ZRANB3: variants seen among roughly 807,000 people sequenced by gnomAD.
ZRANB3 encodes zinc finger RANBP2-type containing 3, also known as DNA annealing helicase and endonuclease ZRANB3.
ZRANB3 carries 125 observed loss-of-function variants against 133.8 expected under a neutral mutation model. The observed-to-expected ratio is 0.93, with a 90% CI of 0.81 to 1.08. The LOEUF is 1.08. Ranked by LOEUF, ZRANB3 falls within the 50% of genes least tolerant of loss-of-function variation. The pLI is 0.00. For missense variants in ZRANB3, 1,229 were observed against 1,275.5 expected, an observed-to-expected ratio of 0.96 and a Z score of 0.56; for synonymous variants, 387 against 432.7, an observed-to-expected ratio of 0.89 and a Z score of 1.31.
intron 3 of ZRANB3, among the ~76,000 whole-genome samples, chr2:135,376,776 A>C (rs1686448864): frequency 6.6e-6 from 1 of 152,248 alleles, no homozygotes. Flanking sequence ...CAAGACATTA[A>C]GCATTTGTGA....
intron 10 of ZRANB3, among the ~76,000 whole-genome samples, chr2:135,270,364 C>CA (rs1330064407): frequency 6.6e-6 from 1 of 152,168 alleles, no homozygotes; most frequent in Non-Finnish European, 1.5e-5. Context: ...GTACCAAGAA[C>CA]AAAGACCTTT....
intron 1 of ZRANB3, among the ~76,000 whole-genome samples, chr2:135,526,157 A>ATTTTTTTTTTTTTTTTTTTT (rs993714638): frequency 9.3e-6 from 1 of 108,080 alleles, no homozygotes; most frequent in African/African-American, 3.8e-5. Context: ...CTAAGCTATG[A>ATTTTTTTTTTTTTTTTTTTT]TTTTTTTTTT....
chr2:135,313,369 A>AG, intron 8 of ZRANB3, 120 bp downstream of exon 8: 1 of 638,710 alleles, frequency 1.6e-6, no homozygotes, highest in Non-Finnish European at 2.5e-6. Context: ...AAAAAAAAAA[A>AG]AGAGTTAAAC....
At chr2:135,455,171 C>CTTTTTTTTTTTTTTTTT (rs1166170814) in intron 2 of ZRANB3, among the ~76,000 whole-genome samples, 3 of 37,560 alleles carry the variant, frequency 8.0e-5, no homozygotes, top group Non-Finnish European at 9.7e-5. Context: ...CCTTCTTATA[C>CTTTTTTTTTTTTTTTTT]TTTTTTTTTT....
intron 2 of ZRANB3, among the ~76,000 whole-genome samples, chr2:135,498,008 G>T (rs147100037): frequency 7.9e-5 from 12 of 151,712 alleles, no homozygotes; most frequent in African/African-American, 2.9e-4. Context: ...AGCCAAGATG[G>T]TGCCACTGTA....
intron 3 of ZRANB3, among the ~76,000 whole-genome samples, chr2:135,368,016 T>C (rs890505748): frequency 5.9e-5 from 9 of 152,162 alleles, no homozygotes; most frequent in African/African-American, 7.2e-5. Flanking sequence ...AATCTATACA[T>C]AGAATATACT....
intron 3 of ZRANB3, among the ~76,000 whole-genome samples, chr2:135,372,733 G>A (rs111252528): frequency 0.023 from 3,396 of 148,708 alleles, 143 homozygotes; most frequent in African/African-American, 0.081. Flanking sequence ...CTTGCAGTAA[G>A]CCAAGATTGC....
chr2:135,351,445 T>G (rs768980070), intron 4 of ZRANB3, among the ~76,000 whole-genome samples: 1 of 151,956 alleles, frequency 6.6e-6, no homozygotes, highest in Non-Finnish European at 1.5e-5. Context: ...TTATTTGTAT[T>G]TTAGCCAGGA....
intron 19 of ZRANB3, among the ~76,000 whole-genome samples, chr2:135,207,030 T>C (rs1693892514): frequency 6.6e-6 from 1 of 151,954 alleles, no homozygotes; most frequent in Non-Finnish European, 1.5e-5. Context: ...CCAGGTGTGG[T>C]GGCACATGCC....
chr2:135,289,132 T>C (rs778693190), intron 8 of ZRANB3, among the ~76,000 whole-genome samples: 4 of 152,206 alleles, frequency 2.6e-5, no homozygotes, highest in Admixed American at 6.6e-5. Flanking sequence ...GTGTCACTAT[T>C]ATCATTCAGT....
chr2:135,448,981 C>A (rs1393996841), intron 2 of ZRANB3, among the ~76,000 whole-genome samples: 2 of 152,116 alleles, frequency 1.3e-5, no homozygotes, highest in Non-Finnish European at 2.9e-5. Flanking sequence ...GGGCCTATGA[C>A]TAAAATAGAA....
chr2:135,519,409 G>A (rs1380859221), intron 1 of ZRANB3, among the ~76,000 whole-genome samples: 2 of 152,118 alleles, frequency 1.3e-5, no homozygotes, highest in African/African-American at 4.8e-5. Context: ...ACTTTGGGAG[G>A]CAGCAGCAGA....
At chr2:135,457,336 G>A (rs1194963322) in intron 2 of ZRANB3, among the ~76,000 whole-genome samples, 7 of 152,152 alleles carry the variant, frequency 4.6e-5, no homozygotes, top group Admixed American at 4.6e-4. Flanking sequence ...GGAAGGGCTG[G>A]ATTATGTGGT....
At chr2:135,227,037 T>C (rs548798795) in intron 14 of ZRANB3, among the ~76,000 whole-genome samples, 41 of 152,342 alleles carry the variant, frequency 2.7e-4, no homozygotes, top group South Asian at 6.2e-4. Flanking sequence ...CTCTAAATTA[T>C]ATTAGTGTTT....
intron 2 of ZRANB3, among the ~76,000 whole-genome samples, chr2:135,438,986 T>C (rs1689668252): frequency 6.6e-6 from 1 of 152,222 alleles, no homozygotes; most frequent in African/African-American, 2.4e-5. Flanking sequence ...ATATTTACCT[T>C]ACCTTCTAAT....
chr2:135,299,763 T>C (rs1453022983), intron 8 of ZRANB3, among the ~76,000 whole-genome samples: 2 of 152,222 alleles, frequency 1.3e-5, no homozygotes, highest in African/African-American at 4.8e-5. Context: ...AATGTTTATA[T>C]AGCACATAAA....
intron 2 of ZRANB3, chr2:135,504,123 C>T: frequency 1.5e-5 from 10 of 647,296 alleles, no homozygotes; most frequent in Non-Finnish European, 2.8e-5. Context: ...ACTGAACATA[C>T]TTTCTCTTAA....
intron 3 of ZRANB3, among the ~76,000 whole-genome samples, chr2:135,384,959 C>T (rs1041084520): frequency 1.3e-5 from 2 of 152,156 alleles, no homozygotes; most frequent in African/African-American, 4.8e-5. Flanking sequence ...TTTCTCACCA[C>T]TCCTATTCAA....
At chr2:135,415,889 C>A (rs1457346775) in intron 2 of ZRANB3, among the ~76,000 whole-genome samples, 3 of 152,024 alleles carry the variant, frequency 2.0e-5, no homozygotes, top group African/African-American at 7.3e-5. Context: ...CAGAAAAGGC[C>A]TTTGACAAAA....
Sources: gnomAD v4.1 joint callset for allele counts (sites outside exome capture counted in the v4.1 genomes callset) on GRCh38, gnomAD v4.1.1 for gene constraint, MANE v1.5 for transcripts, NCBI Gene and HGNC (gene_info 2026-07-23, HGNC 2026-07-21) for gene names.